The following EIPR1 variants were observed in gnomAD, a reference collection of about 807,000 sequenced individuals.
The protein encoded by EIPR1 is EARP complex and GARP complex interacting protein 1.
A neutral mutation model predicts 48.1 loss-of-function variants in EIPR1; 25 were observed. The observed-to-expected ratio is 0.52, with a 90% CI of 0.38 to 0.73. The LOEUF is 0.73. Among genes scored for constraint, EIPR1 ranks in the 30% least tolerant of loss-of-function variants. EIPR1 has a pLI of 0.00. For synonymous variants in EIPR1, 204 were observed against 201.9 expected (o/e 1.01, Z -0.09); for missense variants, 415 against 506.2 (o/e 0.82, Z 1.73).
intron 2 of EIPR1, among the ~76,000 whole-genome samples, chr2:3,343,588 A>G (rs1484964891): frequency 1.3e-5 from 2 of 152,214 alleles, no homozygotes; most frequent in Non-Finnish European, 2.9e-5. Flanking sequence ...TAAAATTTTT[A>G]AAGTTGATTT....
chr2:3,345,459 T>G (rs954697378), intron 2 of EIPR1, among the ~76,000 whole-genome samples: 16 of 144,964 alleles, frequency 1.1e-4, no homozygotes, highest in African/African-American at 3.9e-4. Flanking sequence ...ACCCCGTCTC[T>G]ACTAAAAATA....
intron 5 of EIPR1, among the ~76,000 whole-genome samples, chr2:3,201,968 A>G (rs1049007445): frequency 9.2e-5 from 14 of 152,012 alleles, no homozygotes; most frequent in Middle Eastern, 3.4e-3. Flanking sequence ...ACGGAGTCTC[A>G]CTCTGCCACC....
intron 3 of EIPR1, among the ~76,000 whole-genome samples, chr2:3,272,389 G>A (rs1667725700): frequency 6.6e-6 from 1 of 152,186 alleles, no homozygotes; most frequent in Non-Finnish European, 1.5e-5. Flanking sequence ...GCTGAAACTT[G>A]CCTTCCTCAC....
intron 3 of EIPR1, among the ~76,000 whole-genome samples, chr2:3,271,537 C>T (rs377198837): frequency 6.6e-6 from 1 of 152,222 alleles, no homozygotes; most frequent in South Asian, 2.1e-4. Context: ...GGTACCTCCC[C>T]TTCAGAGCTC....
At chr2:3,301,637 A>C (rs969488046) in intron 3 of EIPR1, among the ~76,000 whole-genome samples, 1 of 152,230 alleles carries the variant, frequency 6.6e-6, no homozygotes, top group Non-Finnish European at 1.5e-5. Flanking sequence ...ACCAAACGAG[A>C]AAAGTGTTTC....
At chr2:3,359,538 A>T (rs1039779751) in intron 1 of EIPR1, among the ~76,000 whole-genome samples, 3 of 151,534 alleles carry the variant, frequency 2.0e-5, no homozygotes, top group African/African-American at 4.8e-5. Context: ...ACACTTCTTT[A>T]AAAAAAAATG....
intron 2 of EIPR1, among the ~76,000 whole-genome samples, chr2:3,339,976 C>T (rs746337705): frequency 3.3e-5 from 5 of 152,202 alleles, no homozygotes; most frequent in Non-Finnish European, 7.4e-5. Context: ...CTTTGAGTGG[C>T]ATCTTCCCTC....
intron 5 of EIPR1, among the ~76,000 whole-genome samples, chr2:3,205,807 C>G (rs996746622): frequency 1.3e-5 from 2 of 152,198 alleles, no homozygotes; most frequent in African/African-American, 4.8e-5. Flanking sequence ...GCTCCAGCTC[C>G]TATAACTCAC....
chr2:3,343,765 G>C (rs1311651173), intron 2 of EIPR1, among the ~76,000 whole-genome samples: 1 of 152,210 alleles, frequency 6.6e-6, no homozygotes, highest in African/African-American at 2.4e-5. Flanking sequence ...CCAGGGCCAG[G>C]CTGCCGAGTA....
intron 3 of EIPR1, among the ~76,000 whole-genome samples, chr2:3,311,337 C>A (rs1669122000): frequency 6.6e-6 from 1 of 151,976 alleles, no homozygotes; most frequent in South Asian, 2.1e-4. Flanking sequence ...AGTTTTGTAT[C>A]TTTTGAGATT....
intron 5 of EIPR1, among the ~76,000 whole-genome samples, chr2:3,197,825 C>T (rs1049041965): frequency 2.0e-5 from 3 of 152,212 alleles, no homozygotes; most frequent in Non-Finnish European, 2.9e-5. Context: ...CCACTAATTC[C>T]GTTAACTTTC....
At chr2:3,249,698 G>A (rs1666946664) in intron 4 of EIPR1, among the ~76,000 whole-genome samples, 2 of 152,136 alleles carry the variant, frequency 1.3e-5, no homozygotes, top group African/African-American at 2.4e-5. Context: ...AGGCATCTTG[G>A]GAGGGGGAAA....
intron 4 of EIPR1, among the ~76,000 whole-genome samples, chr2:3,240,484 TC>T (rs1666573274): frequency 9.4e-6 from 1 of 106,602 alleles, no homozygotes; most frequent in South Asian, 3.1e-4. Flanking sequence ...AGCCAGCAGA[TC>T]CCTCCTAAAG....
intron 2 of EIPR1, among the ~76,000 whole-genome samples, chr2:3,347,309 T>C (rs1670430099): frequency 6.6e-6 from 1 of 152,202 alleles, no homozygotes; most frequent in Admixed American, 6.5e-5. Flanking sequence ...CCAAATCTCA[T>C]CTTGAATTCC....
At chr2:3,282,688 C>CAGG (rs1668050319) in intron 3 of EIPR1, 1 of 152,294 alleles carries the variant, frequency 6.6e-6, no homozygotes, top group Non-Finnish European at 1.5e-5. Context: ...GTGTGCGCTC[C>CAGG]CGAGTCTGCA....
At chr2:3,192,294 G>T in intron 8 of EIPR1, 120 bp downstream of exon 8, 1 of 1,221,456 alleles carries the variant, frequency 8.2e-7, no homozygotes, top group Non-Finnish European at 1.1e-6. Context: ...AGTGGGTAAG[G>T]AGAGTGTCCC....
intron 1 of EIPR1, among the ~76,000 whole-genome samples, chr2:3,362,564 C>G (rs1407816520): frequency 6.6e-6 from 1 of 151,352 alleles, no homozygotes; most frequent in Admixed American, 6.6e-5. Context: ...TCTTTCCTGT[C>G]AGACTCTGGG....
intron 6 of EIPR1, 172 bp from the exon 7 acceptor site, chr2:3,194,338 A>C: frequency 1.5e-6 from 1 of 656,044 alleles, no homozygotes; most frequent in Non-Finnish European, 2.5e-6. Flanking sequence ...CACCTCCTCC[A>C]TCCCAGCAAC....
At chr2:3,238,091 C>T (rs1666474115) in intron 4 of EIPR1, among the ~76,000 whole-genome samples, 1 of 152,120 alleles carries the variant, frequency 6.6e-6, no homozygotes, top group Admixed American at 6.5e-5. Context: ...TTTGGCTGGA[C>T]ACTGAAATGA....
Sources: allele counts gnomAD v4.1 joint callset (sites outside exome capture counted in the v4.1 genomes callset), GRCh38; gene constraint gnomAD v4.1.1; transcripts MANE v1.5; gene names NCBI Gene and HGNC (gene_info 2026-07-23, HGNC 2026-07-21).